Variants in CCDC102B observed in about 807,000 individuals in gnomAD.
CCDC102B encodes the protein coiled-coil domain-containing protein 102B.
In CCDC102B, 75 loss-of-function variants were observed where a neutral mutation model predicts 57.4. That is an observed-to-expected ratio of 1.31 (90% CI 1.08 to 1.58). The LOEUF (loss-of-function observed/expected upper bound fraction) is 1.58. Ranked by LOEUF, CCDC102B falls within the 40% of genes most tolerant of loss-of-function variation. The pLI is 0.00. For missense variants in CCDC102B, 636 were observed against 582.6 expected, an observed-to-expected ratio of 1.09 and a Z score of -0.94; for synonymous variants, 206 against 201.9, an observed-to-expected ratio of 1.02 and a Z score of -0.17.
intron 2 of CCDC102B, among the ~76,000 whole-genome samples, chr18:68,762,096 TTTTGTTACGCACAGTCAACCATGG>T (rs2034273129): frequency 6.6e-6 from 1 of 152,152 alleles, no homozygotes; most frequent in Non-Finnish European, 1.5e-5. Context: ...TTTCCACAGT[TTTTGTTACGCACAGTCAACCATGG>T]TTTGAAAATA....
chr18:68,869,452 G>A (rs1256094429), intron 4 of CCDC102B, among the ~76,000 whole-genome samples: 2 of 152,218 alleles, frequency 1.3e-5, no homozygotes, highest in Non-Finnish European at 2.9e-5. Context: ...GTGGTGGAAA[G>A]TCTGAGGAAT....
chr18:68,752,411 G>A (rs2033888795), intron 2 of CCDC102B, among the ~76,000 whole-genome samples: 1 of 150,084 alleles, frequency 6.7e-6, no homozygotes, highest in Non-Finnish European at 1.5e-5. Flanking sequence ...GAAGGCCAGG[G>A]AAAGGGGAAG....
chr18:68,867,332 T>A (rs942575280), intron 4 of CCDC102B, among the ~76,000 whole-genome samples: 1 of 152,088 alleles, frequency 6.6e-6, no homozygotes, highest in Non-Finnish European at 1.5e-5. Flanking sequence ...AAATCTTCCC[T>A]TTTCCTGCCC....
At chr18:68,839,848 C>A (rs1238735856) in intron 3 of CCDC102B, among the ~76,000 whole-genome samples, 1 of 152,052 alleles carries the variant, frequency 6.6e-6, no homozygotes, top group Non-Finnish European at 1.5e-5. Flanking sequence ...AAAGTCAGAC[C>A]CACTTATCGG....
intron 6 of CCDC102B, among the ~76,000 whole-genome samples, chr18:68,954,576 A>T (rs1289358581): frequency 2.6e-5 from 4 of 152,210 alleles, no homozygotes; most frequent in Admixed American, 6.5e-5. Context: ...GGATATAAAA[A>T]TGCTTCCTTA....
intron 2 of CCDC102B, chr18:68,838,484 T>C (rs772957322): frequency 9.1e-6 from 9 of 985,310 alleles, no homozygotes; most frequent in Non-Finnish European, 1.1e-5. Context: ...AGCAGAACTT[T>C]TGAGAAATGT....
chr18:69,054,542 T>C lies in CCDC102B; in HGVS notation c.*405T>C. 3 of 990,524 alleles carry C rather than the reference T, an allele frequency of 3.0e-6. No individual in the cohort carries two copies. The highest frequency in any genetic ancestry group is 3.6e-6 in the Non-Finnish European group (3 of 833,710). The allele number at this position is 990,524 out of a possible 1,614,324, so 61.4% of individuals were successfully genotyped here. A position where few individuals can be genotyped will look rare whatever the true frequency, so the allele number is the denominator to read the frequency against. ...AGTACTGGTTTGTTTAAATAATTGG[T>C]AAACTTTTATGTACGTGTTGTCTAT... is the stretch of plus-strand genomic sequence containing the variant. On this transcript the variant is annotated 3_prime_UTR_variant, in exon 8 of 8. Transcript: ENST00000360242.
intron 1 of CCDC102B, among the ~76,000 whole-genome samples, chr18:68,821,310 T>C (rs1461312153): frequency 6.6e-6 from 1 of 151,992 alleles, no homozygotes; most frequent in Non-Finnish European, 1.5e-5. Context: ...CATCATTTTC[T>C]ACTTTCTGGC....
At chr18:68,913,310 C>CTGTGTGTGTGTGTGTG (rs57064090) in intron 6 of CCDC102B, among the ~76,000 whole-genome samples, 14,434 of 135,384 alleles carry the variant, frequency 0.11, 1,209 homozygotes, top group East Asian at 0.35. Context: ...TGGTTAGTGT[C>CTGTGTGTGTGTGTGTG]TGTGTGTGTG....
Position 69,008,708 on chromosome 18 carries a change from C to T in CCDC102B, c.1264-2226C>T, listed in dbSNP as rs2051419314. Among the ~76,000 whole-genome samples the T allele has an allele frequency of 1.3e-5, 2 of 152,162 alleles. 1 individual carries two copies. Among genetic ancestry groups the T allele is most frequent in the South Asian group, 4.1e-4 (2 of 4,830 alleles). On this transcript the variant is annotated intron_variant, in intron 6 of 7. Coordinates refer to ENST00000360242, the MANE Select transcript of CCDC102B (RefSeq NM_024781.3). ...CCAGGTCCTGCCCTGCATCCACACC[C>T]TCACCCCACCTCTTCTGGACTTCGG...
At position 68,974,009 on chromosome 18, in the gene CCDC102B, T is replaced by G. The variant is rs531300604; in HGVS notation, c.1264-36925T>G. ...TCTATATAAGTGATATAAAAAATAC[T>G]GAAGCTGATATAAAGAAAACAAATA... On this transcript the variant is annotated intron_variant, in intron 6 of 7. Transcript: ENST00000360242. Among the ~76,000 whole-genome samples, 8 of 152,278 alleles carry G rather than the reference T, an allele frequency of 5.3e-5. No homozygotes were observed. The South Asian group carries it at 8.3e-4, about 16-fold the overall frequency.
At chr18:68,943,664 A>G (rs1045558495) in intron 6 of CCDC102B, among the ~76,000 whole-genome samples, 5 of 152,142 alleles carry the variant, frequency 3.3e-5, no homozygotes, top group Admixed American at 6.6e-5. Flanking sequence ...TACACATCCA[A>G]TGCTGATAAT....
At chr18:68,889,668 A>G (rs1027592973) in intron 5 of CCDC102B, among the ~76,000 whole-genome samples, 2 of 152,022 alleles carry the variant, frequency 1.3e-5, no homozygotes, top group Non-Finnish European at 2.9e-5. Context: ...CAAACTCCCA[A>G]TGTCAGGTGA....
In CCDC102B at chr18:68,782,357, T is replaced by C. The variant is rs985479951; in HGVS notation, c.-66-41009T>C. Among the ~76,000 whole-genome samples the C allele has an allele frequency of 5.9e-5, 9 of 152,016 alleles. No homozygotes were observed. The South Asian group carries it at 6.2e-4, about 11-fold the overall frequency. Reference sequence around the variant, plus strand: ...CACCTTTCAAATATATATATATATATACACATACACACACACATATAAAAA... The same window carrying C: ...CACCTTTCAAATATATATATATATACACACATACACACACACATATAAAAA... On this transcript the variant is annotated intron_variant, in intron 2 of 3. Coordinates refer to the CCDC102B transcript ENST00000578970.
chr18:68,841,370 A>G (rs2037621526), intron 3 of CCDC102B, among the ~76,000 whole-genome samples: 1 of 152,052 alleles, frequency 6.6e-6, no homozygotes, highest in Non-Finnish European at 1.5e-5. Flanking sequence ...TTTTCTTTGC[A>G]CTCTGAGTAC....
intron 2 of CCDC102B, among the ~76,000 whole-genome samples, chr18:68,777,477 CT>C (rs1330797014): frequency 2.6e-5 from 4 of 152,068 alleles, no homozygotes. Context: ...TCTTTTTCTC[CT>C]TGATTTCTAA....
chr18:68,896,759 T>TAGATAGAG (rs1272182608), intron 5 of CCDC102B, among the ~76,000 whole-genome samples: 1 of 151,960 alleles, frequency 6.6e-6, no homozygotes, highest in South Asian at 2.1e-4. Context: ...AAATGTTGCA[T>TAGATAGAG]AGATAGAGAG....
At chr18:68,841,993 CT>C (rs1568281855) in intron 3 of CCDC102B, among the ~76,000 whole-genome samples, 1 of 152,100 alleles carries the variant, frequency 6.6e-6, no homozygotes, top group Non-Finnish European at 1.5e-5. Flanking sequence ...ACCGCCTTGG[CT>C]TCCCAAAGTG....
chr18:68,785,291 T>C (rs1261798218), intron 2 of CCDC102B, among the ~76,000 whole-genome samples: 3 of 152,156 alleles, frequency 2.0e-5, no homozygotes, highest in Non-Finnish European at 4.4e-5. Flanking sequence ...TAAACATACA[T>C]GTGCATGTGT....
Sources: allele counts gnomAD v4.1 joint callset (sites outside exome capture counted in the v4.1 genomes callset), GRCh38; gene constraint gnomAD v4.1.1; transcripts MANE v1.5; gene names NCBI Gene and HGNC (gene_info 2026-07-23, HGNC 2026-07-21).